SGCZ: variants seen among roughly 807,000 people sequenced by gnomAD.
The protein encoded by SGCZ is sarcoglycan zeta, also known as zeta-sarcoglycan.
A neutral mutation model predicts 41.3 loss-of-function variants in SGCZ; 40 were observed. The observed-to-expected ratio is 0.97, with a 90% confidence interval of 0.75 to 1.26. The LOEUF is 1.26. Among genes scored for constraint, SGCZ ranks in the 50% most tolerant of loss-of-function variants. The probability of loss-of-function intolerance (pLI) is 0.00; values close to 1 mark genes in which losing one functional copy is unlikely to be tolerated. For synonymous variants in SGCZ, 206 were observed against 137.5 expected (o/e 1.50, Z -3.49); for missense variants, 552 against 369.8 (o/e 1.49, Z -4.04).
chr8:15,139,933 C>A (rs1808259759), intron 1 of SGCZ, among the ~76,000 whole-genome samples: 1 of 152,138 alleles, frequency 6.6e-6, no homozygotes, highest in South Asian at 2.1e-4. Context: ...TGATTCTATA[C>A]TAGAGTACCT....
At chr8:14,327,765 C>A (rs1156450302) in intron 2 of SGCZ, among the ~76,000 whole-genome samples, 1 of 152,138 alleles carries the variant, frequency 6.6e-6, no homozygotes, top group African/African-American at 2.4e-5. Flanking sequence ...GAATTCCCCT[C>A]TGTAAATGTA....
chr8:14,990,462 G>C (rs117531200), intron 1 of SGCZ, among the ~76,000 whole-genome samples: 1,610 of 152,128 alleles, frequency 0.011, 16 homozygotes, highest in Non-Finnish European at 0.018. Flanking sequence ...TCCACCTCCT[G>C]TCCCATCAAC....
intron 2 of SGCZ, among the ~76,000 whole-genome samples, chr8:14,341,559 C>A (rs541411172): frequency 7.2e-5 from 11 of 152,186 alleles, no homozygotes; most frequent in African/African-American, 2.6e-4. Context: ...ATCTTTCAAG[C>A]CCTTGTTCAT....
At chr8:14,372,901 T>C (rs1387653926) in intron 2 of SGCZ, among the ~76,000 whole-genome samples, 1 of 152,208 alleles carries the variant, frequency 6.6e-6, no homozygotes, top group African/African-American at 2.4e-5. Context: ...TAAAGGTTTT[T>C]ACTTTTATGC....
Position 14,496,531 on chromosome 8 carries a change from A to G in SGCZ, c.234+58201T>C, listed in dbSNP as rs79627218. On this transcript the variant is annotated intron_variant, in intron 2 of 7. Transcript: ENST00000382080. ...TTCTTTCATCAAACTATCCAAGCTA[A>G]GTATTTAAATTTAATTTTTTCCCTA... 1.2e-3 allele frequency among the ~76,000 whole-genome samples: 187 copies of G among 152,270 alleles called. 1 individual carries two copies. In the East Asian group the frequency reaches 0.022, roughly 18 times the overall value.
intron 2 of SGCZ, among the ~76,000 whole-genome samples, chr8:14,544,596 T>C (rs1803568433): frequency 6.6e-6 from 1 of 152,026 alleles, no homozygotes; most frequent in African/African-American, 2.4e-5. Context: ...GCTATGGGAA[T>C]GTCTGTCTTG....
At chr8:14,863,197 A>G (rs1318114736) in intron 1 of SGCZ, among the ~76,000 whole-genome samples, 3 of 152,182 alleles carry the variant, frequency 2.0e-5, no homozygotes, top group East Asian at 1.9e-4. Context: ...TTTCACTGCT[A>G]CATGCAGCTG....
At chr8:14,599,413 G>C (rs899889447) in intron 1 of SGCZ, among the ~76,000 whole-genome samples, 82 of 152,180 alleles carry the variant, frequency 5.4e-4, no homozygotes, top group African/African-American at 1.9e-3. Flanking sequence ...TACATTCTCA[G>C]GTAAATGTGG....
chr8:14,941,985 A>G (rs960969359), intron 1 of SGCZ, among the ~76,000 whole-genome samples: 1 of 151,990 alleles, frequency 6.6e-6, no homozygotes, highest in Admixed American at 6.6e-5. Context: ...CATGTATATC[A>G]TCATACTATA....
rs542468976 is a variant in SGCZ, at chr8:14,282,462, C to T, written c.336+41641G>A. ...ACTGTGCCTCCTATTCACAAACACA[C>T]ACACCTATGAATATTTCATAAACCA... On this transcript the variant is annotated intron_variant, in intron 3 of 7. Transcript: ENST00000382080. Among the ~76,000 whole-genome samples, 14 of 152,280 alleles carry T rather than the reference C, an allele frequency of 9.2e-5. No individual in the cohort carries two copies. In the East Asian group the frequency reaches 1.4e-3, roughly 15 times the overall value.
At chr8:14,982,297 A>T (rs1050300899) in intron 1 of SGCZ, among the ~76,000 whole-genome samples, 1 of 152,222 alleles carries the variant, frequency 6.6e-6, no homozygotes, top group African/African-American at 2.4e-5. Flanking sequence ...CATATTGCCA[A>T]GTCCGTGGAG....
At chr8:14,462,414 T>C (rs1800928082) in intron 2 of SGCZ, among the ~76,000 whole-genome samples, 1 of 152,082 alleles carries the variant, frequency 6.6e-6, no homozygotes, top group South Asian at 2.1e-4. Flanking sequence ...AGTACACTCA[T>C]ACGGTTGTGC....
intron 5 of SGCZ, among the ~76,000 whole-genome samples, chr8:14,151,665 A>T (rs1803713747): frequency 1.3e-5 from 2 of 152,146 alleles, no homozygotes; most frequent in South Asian, 4.1e-4. Context: ...AATAATATTG[A>T]AATAAAGAAT....
intron 1 of SGCZ, among the ~76,000 whole-genome samples, chr8:14,887,492 T>C (rs573969819): frequency 1.5e-4 from 23 of 152,276 alleles, no homozygotes; most frequent in African/African-American, 5.1e-4. Flanking sequence ...TGATTACTGG[T>C]AAGGATATTA....
At chr8:15,131,940 T>C (rs1051351689) in intron 1 of SGCZ, among the ~76,000 whole-genome samples, 7 of 152,274 alleles carry the variant, frequency 4.6e-5, no homozygotes, top group Non-Finnish European at 1.0e-4. Context: ...ATGAAATGAA[T>C]GTTTGCATGA....
Position 14,650,717 on chromosome 8 carries a change from G to T in SGCZ, c.40-95791C>A, listed in dbSNP as rs141149579. On this transcript the variant is annotated intron_variant, in intron 1 of 7. Coordinates refer to ENST00000382080, the MANE Select transcript of SGCZ (RefSeq NM_139167.4). The stretch of plus-strand genomic sequence containing the variant: ...GCCTGAAATATTGCCAGGTGAAAGA[G>T]ATTTGTTAGGACAAGGAGGAAAGCA... Among the ~76,000 whole-genome samples the T allele has an allele frequency of 2.7e-3, 417 of 152,154 alleles. 6 individuals carry two copies. The highest frequency in any genetic ancestry group is 9.5e-3 in the African/African-American group (395 of 41,512).
At chr8:14,452,725 T>C (rs1800630468) in intron 2 of SGCZ, among the ~76,000 whole-genome samples, 1 of 152,104 alleles carries the variant, frequency 6.6e-6, no homozygotes, top group Non-Finnish European at 1.5e-5. Context: ...TCTTTTTGTG[T>C]TCAAATTTGC....
chr8:15,157,280 C>A (rs1199964535), intron 1 of SGCZ, among the ~76,000 whole-genome samples: 1 of 152,012 alleles, frequency 6.6e-6, no homozygotes, highest in Non-Finnish European at 1.5e-5. Flanking sequence ...TGCCTGTGAT[C>A]CCAGCACTTT....
intron 1 of SGCZ, among the ~76,000 whole-genome samples, chr8:14,695,695 G>GCACACA (rs113536498): frequency 5.6e-5 from 7 of 124,850 alleles, no homozygotes; most frequent in African/African-American, 1.8e-4. Context: ...ACATGCACAC[G>GCACACA]CACACACACA....
Sources: allele counts gnomAD v4.1 joint callset (sites outside exome capture counted in the v4.1 genomes callset), GRCh38; gene constraint gnomAD v4.1.1; transcripts MANE v1.5; gene names NCBI Gene and HGNC (gene_info 2026-07-23, HGNC 2026-07-21).